The following CEP295 variants were observed in gnomAD, a reference collection of about 807,000 sequenced individuals.
CEP295 encodes centrosomal protein of 295 kDa.
A neutral mutation model predicts 291.6 loss-of-function variants in CEP295; 190 were observed. That is an observed-to-expected ratio of 0.65 (90% CI 0.58 to 0.73). The LOEUF (loss-of-function observed/expected upper bound fraction) is 0.73, where lower values mean the gene tolerates loss of function less well. Among genes scored for constraint, CEP295 ranks in the 30% least tolerant of loss-of-function variants. The probability of loss-of-function intolerance (pLI) is 0.00; values close to 1 mark genes in which losing one functional copy is unlikely to be tolerated. For synonymous variants in CEP295, 993 were observed against 1,038.8 expected (o/e 0.96, Z 0.85); for missense variants, 2,863 against 2,949.4 (o/e 0.97, Z 0.68).
At chr11:93,690,554 G>C (rs1450427491) in intron 10 of CEP295, among the ~76,000 whole-genome samples, 1 of 125,558 alleles carries the variant, frequency 8.0e-6, no homozygotes, top group Non-Finnish European at 1.6e-5. Flanking sequence ...GCGAGACTCT[G>C]TCTCACAAAA....
intron 18 of CEP295, among the ~76,000 whole-genome samples, chr11:93,720,199 G>A (rs746756720): frequency 1.4e-4 from 21 of 151,846 alleles, no homozygotes; most frequent in Non-Finnish European, 1.9e-4. Flanking sequence ...CTCGCCAGGC[G>A]TGGTGGCTCA....
chr11:93,723,380 GCTTCATGTT>G, intron 21 of CEP295, 91 bp downstream of exon 21: 2 of 956,954 alleles, frequency 2.1e-6, no homozygotes, highest in Non-Finnish European at 3.1e-6. Flanking sequence ...GATTGTTTGA[GCTTCATGTT>G]CTTATGGCCT....
chr11:93,667,092 C>T (rs2134777916), intron 2 of CEP295, among the ~76,000 whole-genome samples: 1 of 152,334 alleles, frequency 6.6e-6, no homozygotes, highest in African/African-American at 2.4e-5. Flanking sequence ...TAACAGGAAG[C>T]TTAGATGACT....
intron 1 of CEP295, among the ~76,000 whole-genome samples, chr11:93,662,505 C>T (rs571004852): frequency 8.5e-5 from 13 of 152,064 alleles, no homozygotes; most frequent in African/African-American, 3.1e-4. Context: ...ATCCTCAGGA[C>T]GAAATCTTGC....
intron 9 of CEP295, among the ~76,000 whole-genome samples, chr11:93,686,831 GGTTTT>G (rs1951267344): frequency 6.6e-6 from 1 of 152,070 alleles, no homozygotes; most frequent in Non-Finnish European, 1.5e-5. Context: ...TATACACTTA[GGTTTT>G]TGTGCACCTT....
At chr11:93,725,863 T>G (rs1954095432) in intron 23 of CEP295, 32 bp downstream of exon 23, 1 of 1,526,006 alleles carries the variant, frequency 6.6e-7, no homozygotes, top group African/African-American at 1.4e-5. Flanking sequence ...AAAGTTAATT[T>G]TTCCATGATT....
chr11:93,683,443 T>C (rs981395891), intron 7 of CEP295, 116 bp from the exon 8 acceptor site: 1 of 689,898 alleles, frequency 1.4e-6, no homozygotes, highest in African/African-American at 1.9e-5. Context: ...GAACAAATAA[T>C]AGAGGAGAGG....
At position 93,700,211 on chromosome 11, in the gene CEP295, T is replaced by C. The variant is rs781456834; in HGVS notation, c.5274+25T>C. The C allele has an allele frequency of 6.0e-6, 9 of 1,500,250 alleles. No individual in the cohort carries two copies. In the South Asian group the frequency reaches 6.6e-5, roughly 11 times the overall value. The allele number at this position is 1,500,250 out of a possible 1,614,324, so 92.9% of individuals were successfully genotyped here. On this transcript the variant is annotated intron_variant, in intron 15 of 29. Transcript: ENST00000325212. Reference sequence around the variant, plus strand: ...GGTATGTTTTAAACCTGAATAATAATGAAACACTAGAAGTTTAAACCCAAA... The same window carrying C: ...GGTATGTTTTAAACCTGAATAATAACGAAACACTAGAAGTTTAAACCCAAA...
chr11:93,700,205 T>G lies in CEP295; in HGVS notation c.5274+19T>G, dbSNP rs550204602. 2.0e-6 allele frequency: 3 copies of G among 1,510,146 alleles called. No homozygotes were observed. In the African/African-American group the frequency reaches 4.2e-5, roughly 21 times the overall value. 93.5% of individuals were successfully genotyped at this position (1,510,146 alleles called of 1,614,324 possible). On this transcript the variant is annotated intron_variant, in intron 15 of 29. Coordinates refer to ENST00000325212, the MANE Select transcript of CEP295 (RefSeq NM_033395.2). ...CAGTCAGGTATGTTTTAAACCTGAATAATAATGAAACACTAGAAGTTTAAA... is the reference window on the plus strand; with the variant it reads ...CAGTCAGGTATGTTTTAAACCTGAAGAATAATGAAACACTAGAAGTTTAAA...
At chr11:93,716,562 T>C (rs1031781738) in intron 18 of CEP295, among the ~76,000 whole-genome samples, 2 of 152,222 alleles carry the variant, frequency 1.3e-5, no homozygotes, top group Non-Finnish European at 2.9e-5. Context: ...ATCTTTATTA[T>C]TGAGTGCACT....
chr11:93,726,915 C>A, intron 23 of CEP295, 61 bp from the exon 24 acceptor site: 1 of 1,305,666 alleles, frequency 7.7e-7, no homozygotes, highest in Non-Finnish European at 1.0e-6. Flanking sequence ...TAGAGACTGT[C>A]AGTATCCAAC....
Position 93,702,526 on chromosome 11 carries a change from C to T in CEP295, c.5341C>T (p.Pro1781Ser). ...QKMGQLRDWF[P>S]NTQDLAGNDQ... ...GATGGGGCAGCTCAGAGACTGGTTT[C>T]CTAATACACAAGACCTAGCAGGAAA... Residue 1781 changes from proline (P) to serine (S), a missense_variant, in exon 16 of 30, where the codon CCT becomes TCT. This residue lies in a region of CEP295 where 2,295 missense variants were observed against 2,335.7 expected (regional missense o/e 0.98). Transcript: ENST00000325212. The T allele has an allele frequency of 8.4e-6, 13 of 1,550,894 alleles. No individual in the cohort carries two copies. The highest frequency in any genetic ancestry group is 1.0e-5 in the Non-Finnish European group (12 of 1,146,668).
intron 7 of CEP295, 77 bp downstream of exon 7, chr11:93,679,629 T>C: frequency 1.6e-6 from 2 of 1,251,320 alleles, no homozygotes; most frequent in Non-Finnish European, 2.2e-6. Context: ...GTGAATGAGC[T>C]CAAAGAAAGG....
At position 93,696,880 on chromosome 11, in the gene CEP295, C is replaced by G. The variant is rs1036778345; in HGVS notation, c.1968C>G (p.Asn656Lys). ...GTCAGAGACTCAAGTTGAGTCCTAA[C>G]AAATACCAACCCATACAACCTATAC... ...DQGQRLKLSP[N>K]KYQPIQPIQT... is the part of the protein sequence containing the mutation. Residue 656 changes from asparagine (N) to lysine (K), a missense_variant, in exon 15 of 30, where the codon AAC becomes AAG. This residue lies in a region of CEP295 where 2,295 missense variants were observed against 2,335.7 expected (regional missense o/e 0.98). Transcript: ENST00000325212. The G allele has an allele frequency of 6.4e-7, 1 of 1,551,860 alleles. No homozygotes were observed. The highest frequency in any genetic ancestry group is 2.0e-5 in the Admixed American group (1 of 50,994).
At chr11:93,682,539 A>G (rs1951025794) in intron 7 of CEP295, among the ~76,000 whole-genome samples, 4 of 151,878 alleles carry the variant, frequency 2.6e-5, no homozygotes, top group South Asian at 4.1e-4. Context: ...CCATTTTTTT[A>G]ATGCAGGATT....
At position 93,698,532 on chromosome 11, in the gene CEP295, C is replaced by G. The variant is rs1377419819; in HGVS notation, c.3620C>G (p.Ser1207Cys). ...ISSEQTGTSS[S>C]LSQVDESERF... ...TCTGAACAGACTGGCACCTCCTCAT[C>G]CCTTTCCCAGGTGGATGAATCTGAG... Residue 1207 changes from serine (S) to cysteine (C), a missense_variant, in exon 15 of 30, where the codon TCC becomes TGC. Physicochemically the swap from Ser to Cys is moderately radical, Grantham distance 112. This residue lies in a region of CEP295 where 2,295 missense variants were observed against 2,335.7 expected (regional missense o/e 0.98). Coordinates refer to ENST00000325212, the MANE Select transcript of CEP295 (RefSeq NM_033395.2). 2.7e-5 allele frequency: 42 copies of G among 1,552,044 alleles called. No homozygotes were observed. Among genetic ancestry groups the G allele is most frequent in the Non-Finnish European group, 3.4e-5 (39 of 1,147,076 alleles).
At position 93,668,942 on chromosome 11, in the gene CEP295, T is replaced by A; in HGVS notation, c.434+10T>A. ...TGAAACAAAAAACCTGGTAAAGTAA[T>A]AATTTTTACTATAATCTCAACTGAA... On this transcript the variant is annotated intron_variant, in intron 4 of 29. Coordinates refer to ENST00000325212, the MANE Select transcript of CEP295 (RefSeq NM_033395.2). The A allele has an allele frequency of 5.8e-6, 6 of 1,037,182 alleles. No homozygotes were observed. The South Asian group carries it at 9.1e-5, about 16-fold the overall frequency. 64.2% of individuals were successfully genotyped at this position (1,037,182 alleles called of 1,614,324 possible).
rs114926869 is a variant in CEP295 at position 93,707,040 on chromosome 11, A to G, written c.5749+143A>G. 2,064 of 705,938 alleles carry G rather than the reference A, an allele frequency of 2.9e-3. 30 individuals carry two copies. The African/African-American group carries it at 0.032, about 11-fold the overall frequency. 43.7% of individuals were successfully genotyped at this position (705,938 alleles called of 1,614,324 possible). On this transcript the variant is annotated intron_variant, in intron 18 of 29. Transcript: ENST00000325212. ...TGGAATCGTTATGATGCAGTTAACT[A>G]TATTGTTCTATGCAGTTGTTAAATG...
At chr11:93,693,941 ATTAAAT>A (rs985448431) in intron 12 of CEP295, among the ~76,000 whole-genome samples, 4 of 152,188 alleles carry the variant, frequency 2.6e-5, no homozygotes, top group Non-Finnish European at 2.9e-5. Context: ...TTTAATTTTA[ATTAAAT>A]TTAAGTAGTC....
Sources: gnomAD v4.1 joint callset for allele counts (sites outside exome capture counted in the v4.1 genomes callset) on GRCh38, gnomAD v4.1.1 for gene constraint, gnomAD v4.1.1 regional missense constraint, MANE v1.5 for transcripts, NCBI Gene and HGNC (gene_info 2026-07-23, HGNC 2026-07-21) for gene names.